STRN3: variants seen among roughly 807,000 people sequenced by gnomAD.
The protein encoded by STRN3 is striatin-3.
A neutral mutation model predicts 95.6 loss-of-function variants in STRN3; 29 were observed. The ratio of observed to expected loss-of-function variants is 0.30; its 90% confidence interval spans 0.23 to 0.41. STRN3 has a LOEUF of 0.41. STRN3 is among the 10% of genes least tolerant of loss of function. STRN3 has a pLI of 1.00. For synonymous variants in STRN3, 331 were observed against 357.6 expected (o/e 0.93, Z 0.84); for missense variants, 890 against 972.1 (o/e 0.92, Z 1.12).
rs1896074886 is a variant in STRN3 at position 30,894,490 on chromosome 14, T to C, written c.*921A>G. ...GGATAATCCTTGATAAATAAACTTG[T>C]AAATACAGTAAGATGTACAAAATAT... is the stretch of plus-strand genomic sequence containing the variant. On this transcript the variant is annotated 3_prime_UTR_variant, in exon 18 of 18. Transcript: ENST00000357479. The C allele has an allele frequency of 6.5e-6, 1 of 152,698 alleles. No individual in the cohort carries two copies. Among genetic ancestry groups the C allele is most frequent in the South Asian group, 2.1e-4 (1 of 4,834 alleles). 9.5% of individuals were successfully genotyped at this position (152,698 alleles called of 1,614,324 possible).
rs1431343301 is a variant in STRN3, at chr14:30,998,275, T to C, written c.282+27629A>G. ...CATGGGCACTTTTGGTCAAAAACAA[T>C]CAGAAACAACTGTCTAATATTGTGG... is the stretch of plus-strand genomic sequence containing the variant. On this transcript the variant is annotated intron_variant, in intron 1 of 17. Transcript: ENST00000357479. Among the ~76,000 whole-genome samples the C allele has an allele frequency of 2.0e-5, 3 of 152,240 alleles. No individual in the cohort carries two copies. In the East Asian group the frequency reaches 5.8e-4, roughly 29 times the overall value.
chr14:30,940,509 T>G (rs1879043009), intron 5 of STRN3, among the ~76,000 whole-genome samples: 1 of 152,220 alleles, frequency 6.6e-6, no homozygotes, highest in Non-Finnish European at 1.5e-5. Context: ...TATTCCAGCT[T>G]TGAATGTTAA....
intron 1 of STRN3, among the ~76,000 whole-genome samples, chr14:31,012,676 G>A (rs56283337): frequency 0.013 from 2,031 of 152,214 alleles, 54 homozygotes; most frequent in African/African-American, 0.044. Context: ...GGTGGATCAC[G>A]AGGTCAGCAG....
At chr14:30,972,135 C>G (rs148256550) in intron 1 of STRN3, among the ~76,000 whole-genome samples, 1 of 152,134 alleles carries the variant, frequency 6.6e-6, no homozygotes, top group South Asian at 2.1e-4. Flanking sequence ...TAAACTTCCT[C>G]GTAAAGCAAT....
At chr14:30,935,106 A>G in intron 7 of STRN3, 57 bp downstream of exon 7, 1 of 1,591,750 alleles carries the variant, frequency 6.3e-7, no homozygotes, top group Non-Finnish European at 8.6e-7. Flanking sequence ...ATATTTAATA[A>G]TAACCCATCA....
intron 7 of STRN3, among the ~76,000 whole-genome samples, chr14:30,930,796 A>G (rs1878492560): frequency 6.6e-6 from 1 of 152,198 alleles, no homozygotes; most frequent in African/African-American, 2.4e-5. Context: ...CTTATTGAAT[A>G]TACCAAGAAA....
chr14:30,955,684 A>G lies in STRN3; in HGVS notation c.396T>C (p.Tyr132=). The part of the protein sequence containing the change: ...EYALKQERAK[Y]HKLKYGTELN... ...GTTCCGTGCCATATTTTAATTTGTG[A>G]TATTTTGCCCTGAAAATTTAATCAC... Residue 132 remains tyrosine, a synonymous_variant, in exon 3 of 18, where the codon TAT becomes TAC. Coordinates refer to ENST00000357479, the MANE Select transcript of STRN3 (RefSeq NM_001083893.2). 3.2e-6 allele frequency: 5 copies of G among 1,586,100 alleles called. No individual in the cohort carries two copies. Among genetic ancestry groups the G allele is most frequent in the Non-Finnish European group, 4.3e-6 (5 of 1,172,040 alleles).
chr14:30,897,915 A>C (rs1182868533), intron 16 of STRN3, among the ~76,000 whole-genome samples: 1 of 152,152 alleles, frequency 6.6e-6, no homozygotes, highest in Non-Finnish European at 1.5e-5. Context: ...TACTTTCAAA[A>C]TATTAGGGGT....
chr14:30,915,805 C>T (rs566048547), intron 9 of STRN3, among the ~76,000 whole-genome samples: 211 of 152,216 alleles, frequency 1.4e-3, no homozygotes, highest in African/African-American at 4.5e-3. Flanking sequence ...ATAACTTTAA[C>T]GTAACAAATG....
At chr14:30,908,673 C>T (rs966792808) in intron 13 of STRN3, among the ~76,000 whole-genome samples, 2 of 152,168 alleles carry the variant, frequency 1.3e-5, no homozygotes, top group South Asian at 4.1e-4. Flanking sequence ...TCCATGATTT[C>T]GCACCCTCTC....
chr14:30,914,263 A>G (rs1896679358), intron 9 of STRN3, among the ~76,000 whole-genome samples: 1 of 152,222 alleles, frequency 6.6e-6, no homozygotes, highest in Non-Finnish European at 1.5e-5. Flanking sequence ...AGTAACAGCA[A>G]TGGTCTAGGA....
At chr14:30,965,326 T>C (rs931284177) in intron 1 of STRN3, among the ~76,000 whole-genome samples, 9 of 152,340 alleles carry the variant, frequency 5.9e-5, no homozygotes. Context: ...ATGCTTTGGA[T>C]GTTATATAGG....
intron 3 of STRN3, among the ~76,000 whole-genome samples, chr14:30,952,768 T>C (rs971734909): frequency 6.6e-6 from 1 of 152,170 alleles, no homozygotes; most frequent in African/African-American, 2.4e-5. Flanking sequence ...CCAGAAATAA[T>C]TATTTCATTC....
chr14:30,901,960 G>A (rs1203696121), intron 16 of STRN3, among the ~76,000 whole-genome samples: 9 of 151,928 alleles, frequency 5.9e-5, no homozygotes, highest in Non-Finnish European at 2.9e-5. Context: ...CTGAGGTCAG[G>A]AGTTCGAGAC....
intron 4 of STRN3, 131 bp from the exon 5 acceptor site, chr14:30,947,394 TAC>T: frequency 1.5e-6 from 1 of 663,812 alleles, no homozygotes; most frequent in South Asian, 2.9e-5. Flanking sequence ...CTTTCTTCTC[TAC>T]AGACTAGTTC....
chr14:30,997,323 C>A (rs1882249194), intron 1 of STRN3, among the ~76,000 whole-genome samples: 1 of 152,152 alleles, frequency 6.6e-6, no homozygotes, highest in South Asian at 2.1e-4. Context: ...CAGCAAGGAA[C>A]CTGCCTTTAA....
intron 6 of STRN3, among the ~76,000 whole-genome samples, chr14:30,935,520 T>C (rs1948086306): frequency 6.6e-6 from 1 of 152,202 alleles, no homozygotes; most frequent in Admixed American, 6.5e-5. Flanking sequence ...GCACTAAAAA[T>C]GGTTTAAATG....
chr14:30,921,735 C>G (rs1412734019), intron 8 of STRN3, among the ~76,000 whole-genome samples: 3 of 152,048 alleles, frequency 2.0e-5, no homozygotes, highest in African/African-American at 7.2e-5. Flanking sequence ...TAACAGGATA[C>G]TAGACAATAT....
chr14:30,973,870 C>A (rs1167203522), intron 1 of STRN3, among the ~76,000 whole-genome samples: 1 of 152,160 alleles, frequency 6.6e-6, no homozygotes, highest in Non-Finnish European at 1.5e-5. Context: ...AGGAAAAATT[C>A]ATGATTATCT....
Sources: gnomAD v4.1 joint callset for allele counts (sites outside exome capture counted in the v4.1 genomes callset) on GRCh38, gnomAD v4.1.1 for gene constraint, MANE v1.5 for transcripts, NCBI Gene and HGNC (gene_info 2026-07-23, HGNC 2026-07-21) for gene names.